The following DNAH11 variants were observed in gnomAD, a reference collection of about 807,000 sequenced individuals.
DNAH11 encodes the protein axonemal beta dynein heavy chain 11.
A neutral mutation model predicts 526.0 loss-of-function variants in DNAH11; 442 were observed. The observed-to-expected ratio is 0.84, with a 90% CI of 0.78 to 0.91. DNAH11 has a LOEUF of 0.91. Ranked by LOEUF, DNAH11 falls within the 40% of genes least tolerant of loss-of-function variation. DNAH11 has a pLI of 0.00. For synonymous variants in DNAH11, 2,461 were observed against 1,935.9 expected, an observed-to-expected ratio of 1.27 and a Z score of -7.12; for missense variants, 6,989 against 5,448.7, an observed-to-expected ratio of 1.28 and a Z score of -8.90.
At chr7:21,563,502 A>T (rs982369505) in intron 5 of DNAH11, among the ~76,000 whole-genome samples, 2 of 152,168 alleles carry the variant, frequency 1.3e-5, no homozygotes, top group African/African-American at 4.8e-5. Context: ...GGCCCGCTGT[A>T]GCATTTAAAA....
chr7:21,899,077 T>C (rs369839632), intron 79 of DNAH11, among the ~76,000 whole-genome samples: 2 of 152,336 alleles, frequency 1.3e-5, no homozygotes, highest in East Asian at 3.9e-4. Context: ...AGCTGTTGCA[T>C]AAATGGAAAT....
At chr7:21,800,911 G>A (rs1447276877) in intron 61 of DNAH11, among the ~76,000 whole-genome samples, 2 of 152,128 alleles carry the variant, frequency 1.3e-5, no homozygotes, top group East Asian at 3.9e-4. Context: ...AGGCAGAAGG[G>A]GAGAGAAGAC....
chr7:21,765,682 G>A lies in DNAH11; in HGVS notation c.9102+93G>A. On this transcript the variant is annotated intron_variant, in intron 55 of 81. Coordinates refer to ENST00000409508, the MANE Select transcript of DNAH11 (RefSeq NM_001277115.2). Reference sequence around the variant, plus strand: ...CACTCTGAAAATCCTCAGTAGGTAAGTGCTTTCCACAGTACATCTCCTATC... The same window carrying A: ...CACTCTGAAAATCCTCAGTAGGTAAATGCTTTCCACAGTACATCTCCTATC... 3 of 1,411,256 alleles carry A rather than the reference G, an allele frequency of 2.1e-6. No individual in the cohort carries two copies. The Admixed American group carries it at 7.5e-5, about 35-fold the overall frequency. 87.4% of individuals were successfully genotyped at this position (1,411,256 alleles called of 1,614,324 possible).
chr7:21,573,729 C>T (rs1783981108), intron 8 of DNAH11, among the ~76,000 whole-genome samples: 1 of 152,096 alleles, frequency 6.6e-6, no homozygotes, highest in African/African-American at 2.4e-5. Flanking sequence ...ACATGCCCAA[C>T]CTCTGCCCTT....
chr7:21,547,177 C>T (rs533142025), intron 2 of DNAH11, among the ~76,000 whole-genome samples: 19 of 152,200 alleles, frequency 1.2e-4, no homozygotes, highest in South Asian at 8.3e-4. Flanking sequence ...TTGTTTTAAA[C>T]GATATTTCTA....
chr7:21,890,319 A>G (rs1391449983), intron 76 of DNAH11, among the ~76,000 whole-genome samples: 2 of 152,176 alleles, frequency 1.3e-5, no homozygotes, highest in African/African-American at 2.4e-5. Flanking sequence ...GGCACTTGTC[A>G]CATGTCTATA....
At chr7:21,728,282 G>T (rs1490903181) in intron 45 of DNAH11, among the ~76,000 whole-genome samples, 1 of 94,608 alleles carries the variant, frequency 1.1e-5, no homozygotes, top group Non-Finnish European at 1.8e-5. Flanking sequence ...TTTTGAGACA[G>T]AGTCTTACTC....
At chr7:21,709,215 A>G (rs1419132142) in intron 40 of DNAH11, among the ~76,000 whole-genome samples, 1 of 152,232 alleles carries the variant, frequency 6.6e-6, no homozygotes, top group Admixed American at 6.5e-5. Flanking sequence ...AACATGGTAC[A>G]TATACACCAT....
chr7:21,800,678 G>T (rs990014432), intron 61 of DNAH11, among the ~76,000 whole-genome samples: 1 of 152,098 alleles, frequency 6.6e-6, no homozygotes, highest in Non-Finnish European at 1.5e-5. Flanking sequence ...GGTCTAAAGG[G>T]CTCAGTAATT....
chr7:21,862,026 A>G lies in DNAH11; in HGVS notation c.11373+3A>G, dbSNP rs1583785090. The G allele has an allele frequency of 1.2e-6, 2 of 1,608,496 alleles. No homozygotes were observed. Among genetic ancestry groups the G allele is most frequent in the Admixed American group, 1.7e-5 (1 of 59,170 alleles). On this transcript the variant is annotated splice_donor_region_variant and intron_variant, in intron 69 of 81. Coordinates refer to ENST00000409508, the MANE Select transcript of DNAH11 (RefSeq NM_001277115.2). ...TCCTGTCCCAGATGGCTTTTCAGGT[A>G]AGGAGATCAGTTACTTGAAAAAGGA... is the stretch of plus-strand genomic sequence containing the variant.
At chr7:21,611,896 ACT>A (rs1425070394) in intron 20 of DNAH11, among the ~76,000 whole-genome samples, 3 of 152,224 alleles carry the variant, frequency 2.0e-5, no homozygotes, top group Non-Finnish European at 4.4e-5. Context: ...ACCATCACTA[ACT>A]CTAGTTATTT....
chr7:21,731,628 A>G (rs1447322288), intron 45 of DNAH11, among the ~76,000 whole-genome samples: 1 of 152,210 alleles, frequency 6.6e-6, no homozygotes, highest in Non-Finnish European at 1.5e-5. Flanking sequence ...GTAGTCCCTC[A>G]CTTATCCATG....
intron 66 of DNAH11, among the ~76,000 whole-genome samples, chr7:21,847,176 A>T (rs189118145): frequency 6.6e-6 from 1 of 152,260 alleles, no homozygotes; most frequent in East Asian, 1.9e-4. Context: ...TCTGGTTAAA[A>T]TGTTACTGAC....
intron 30 of DNAH11, among the ~76,000 whole-genome samples, chr7:21,672,885 CTG>C (rs1158342642): frequency 6.6e-6 from 1 of 152,200 alleles, no homozygotes; most frequent in African/African-American, 2.4e-5. Context: ...GACCTTAAGT[CTG>C]TTACTTTCTA....
At chr7:21,730,912 G>A (rs536885815) in intron 45 of DNAH11, among the ~76,000 whole-genome samples, 3 of 152,330 alleles carry the variant, frequency 2.0e-5, no homozygotes, top group African/African-American at 7.2e-5. Context: ...GGGAGGCCAA[G>A]GCAGGTTGAT....
chr7:21,703,251 G>A (rs1437812262), intron 37 of DNAH11, among the ~76,000 whole-genome samples: 4 of 152,208 alleles, frequency 2.6e-5, no homozygotes, highest in African/African-American at 4.8e-5. Context: ...AATGAAATGC[G>A]TGATTGGTTG....
intron 18 of DNAH11, among the ~76,000 whole-genome samples, chr7:21,603,314 A>C (rs922108134): frequency 6.6e-6 from 1 of 152,202 alleles, no homozygotes; most frequent in Non-Finnish European, 1.5e-5. Flanking sequence ...TCGTCTGTCA[A>C]TGGACATTTG....
chr7:21,642,031 T>G (rs1274668260), intron 28 of DNAH11, among the ~76,000 whole-genome samples: 1 of 152,216 alleles, frequency 6.6e-6, no homozygotes, highest in Admixed American at 6.5e-5. Flanking sequence ...TCTTGCCAGC[T>G]AAAGGATCCA....
intron 30 of DNAH11, among the ~76,000 whole-genome samples, chr7:21,675,110 G>T (rs1052290623): frequency 1.3e-5 from 2 of 152,110 alleles, no homozygotes; most frequent in Non-Finnish European, 2.9e-5. Context: ...ATTCTTTACA[G>T]TATAGCCAGA....
Sources: gnomAD v4.1 joint callset for allele counts (sites outside exome capture counted in the v4.1 genomes callset) on GRCh38, gnomAD v4.1.1 for gene constraint, MANE v1.5 for transcripts, NCBI Gene and HGNC (gene_info 2026-07-23, HGNC 2026-07-21) for gene names.